RANBP17: variants seen among roughly 807,000 people sequenced by gnomAD.
RANBP17 encodes ran-binding protein 17.
RANBP17 carries 158 observed loss-of-function variants against 141.2 expected under a neutral mutation model. The ratio of observed to expected loss-of-function variants is 1.12; its 90% CI spans 0.98 to 1.28. The LOEUF is 1.28. RANBP17 is among the 50% of genes most tolerant of loss of function. RANBP17 has a pLI of 0.00. For synonymous variants in RANBP17, 430 were observed against 450.0 expected, an observed-to-expected ratio of 0.96 and a Z score of 0.56; for missense variants, 1,438 against 1,290.7, an observed-to-expected ratio of 1.11 and a Z score of -1.75.
chr5:171,183,122 C>T (rs1453940849), intron 16 of RANBP17, 45 bp from the exon 17 acceptor site: 3 of 1,012,982 alleles, frequency 3.0e-6, no homozygotes, highest in Non-Finnish European at 4.7e-6. Flanking sequence ...TTATTACATA[C>T]TGATATTACA....
intron 14 of RANBP17, among the ~76,000 whole-genome samples, chr5:171,059,657 G>A (rs1416213204): frequency 2.9e-4 from 44 of 151,200 alleles, no homozygotes; most frequent in African/African-American, 1.0e-3. Flanking sequence ...GCTCTTTTTT[G>A]GTTCCATATG....
intron 14 of RANBP17, among the ~76,000 whole-genome samples, chr5:171,068,387 A>G (rs942155347): frequency 3.3e-5 from 5 of 152,062 alleles, no homozygotes; most frequent in African/African-American, 4.8e-5. Flanking sequence ...AGTAAATCCA[A>G]TGTATGGGCT....
chr5:171,220,607 C>G (rs947070640), intron 21 of RANBP17, among the ~76,000 whole-genome samples: 2 of 152,010 alleles, frequency 1.3e-5, no homozygotes, highest in African/African-American at 4.8e-5. Flanking sequence ...GCCACCACAC[C>G]TGGCTAATTT....
At chr5:170,927,674 A>G (rs755143296) in intron 12 of RANBP17, among the ~76,000 whole-genome samples, 2 of 151,390 alleles carry the variant, frequency 1.3e-5, no homozygotes, top group African/African-American at 4.9e-5. Flanking sequence ...TTCTTTGCAT[A>G]TGTTTTAGAG....
At chr5:171,229,511 C>T (rs1421732370) in intron 22 of RANBP17, among the ~76,000 whole-genome samples, 1 of 151,994 alleles carries the variant, frequency 6.6e-6, no homozygotes, top group African/African-American at 2.4e-5. Flanking sequence ...TCTCCTGCCT[C>T]AGCCTCCCGA....
chr5:171,090,290 G>T (rs2127726816), intron 14 of RANBP17, among the ~76,000 whole-genome samples: 1 of 152,304 alleles, frequency 6.6e-6, no homozygotes, highest in South Asian at 2.1e-4. Context: ...CTCTTGTTAT[G>T]TTTTAGCAAA....
intron 18 of RANBP17, among the ~76,000 whole-genome samples, chr5:171,190,189 A>G (rs1329519618): frequency 1.3e-5 from 2 of 152,220 alleles, no homozygotes; most frequent in Non-Finnish European, 1.5e-5. Context: ...AAAGGGGGAA[A>G]GAAATTGGGT....
chr5:170,999,226 A>C (rs892144501), intron 14 of RANBP17, among the ~76,000 whole-genome samples: 2 of 152,242 alleles, frequency 1.3e-5, no homozygotes, highest in African/African-American at 4.8e-5. Flanking sequence ...ATATTTCTAT[A>C]ATTGTAAATA....
chr5:171,160,897 A>T (rs1182154906), intron 14 of RANBP17, among the ~76,000 whole-genome samples: 1 of 151,960 alleles, frequency 6.6e-6, no homozygotes, highest in Non-Finnish European at 1.5e-5. Context: ...GGTTCAAGTG[A>T]TTCTCCTGCC....
In RANBP17 at chr5:170,899,864, G is replaced by C. The variant is rs180689300; in HGVS notation, c.489+3749G>C. 1.8e-3 allele frequency among the ~76,000 whole-genome samples: 281 copies of C among 152,326 alleles called. 1 individual carries two copies. The highest frequency in any genetic ancestry group is 3.4e-3 in the Non-Finnish European group (229 of 68,022). On this transcript the variant is annotated intron_variant, in intron 5 of 27. Coordinates refer to ENST00000523189, the MANE Select transcript of RANBP17 (RefSeq NM_022897.5). ...ACCAGGTTTGCATCCCAGAGATAAA[G>C]CCGACTTGATCATGGTAGATAAGCT...
At position 170,900,251 on chromosome 5, in the gene RANBP17, G is replaced by T. The variant is rs535595725; in HGVS notation, c.489+4136G>T. On this transcript the variant is annotated intron_variant, in intron 5 of 27. Coordinates refer to ENST00000523189, the MANE Select transcript of RANBP17 (RefSeq NM_022897.5). The stretch of plus-strand genomic sequence containing the variant: ...TTGGGTTTAGTCTTGGGAGGTATGT[G>T]TGTCCAGGAATTTATCCATTTCTTC... Among the ~76,000 whole-genome samples, 77 of 152,218 alleles carry T rather than the reference G, an allele frequency of 5.1e-4. 1 individual carries two copies. Among genetic ancestry groups the T allele is most frequent in the Admixed American group, 1.9e-3 (29 of 15,272 alleles).
chr5:171,089,210 A>T (rs1785977857), intron 14 of RANBP17, among the ~76,000 whole-genome samples: 1 of 131,720 alleles, frequency 7.6e-6, no homozygotes, highest in African/African-American at 2.6e-5. Context: ...CTGTTGGAAT[A>T]CCCTGCAGTG....
chr5:171,072,982 T>C (rs1784714844), intron 14 of RANBP17, among the ~76,000 whole-genome samples: 1 of 152,122 alleles, frequency 6.6e-6, no homozygotes, highest in Admixed American at 6.5e-5. Context: ...TATAGTATTA[T>C]TCCATTTACA....
chr5:170,935,114 A>C (rs1465985514), intron 12 of RANBP17, among the ~76,000 whole-genome samples: 1 of 152,172 alleles, frequency 6.6e-6, no homozygotes, highest in African/African-American at 2.4e-5. Context: ...AAGCTTGTGC[A>C]TGCATCACGT....
At chr5:171,106,808 A>T (rs1754873534) in intron 14 of RANBP17, among the ~76,000 whole-genome samples, 2 of 152,180 alleles carry the variant, frequency 1.3e-5, no homozygotes, top group Admixed American at 6.5e-5. Flanking sequence ...GGGTGGGGAA[A>T]TAGATGATGT....
At chr5:171,128,917 C>G (rs1161125093) in intron 14 of RANBP17, among the ~76,000 whole-genome samples, 1 of 152,136 alleles carries the variant, frequency 6.6e-6, no homozygotes, top group African/African-American at 2.4e-5. Flanking sequence ...CCTATTTATT[C>G]TTTCAATAGA....
rs1297666531 is a variant in RANBP17 at position 170,909,690 on chromosome 5, C to T, written c.519C>T (p.His173=). Reference sequence around the variant, plus strand: ...ATTATTCTAGACCTTCAGCAAAACACAGGAAAATAGCTACCTCATTTCGTG... The same window carrying T: ...ATTATTCTAGACCTTCAGCAAAACATAGGAAAATAGCTACCTCATTTCGTG... ...LVDYSRPSAK[H]RKIATSFRDT... Residue 173 remains histidine (H), a synonymous_variant, in exon 6 of 28, where the codon CAC becomes CAT. Transcript: ENST00000523189. 1.3e-6 allele frequency: 2 copies of T among 1,581,522 alleles called. No individual in the cohort carries two copies. The highest frequency in any genetic ancestry group is 1.7e-6 in the Non-Finnish European group (2 of 1,158,832).
rs575537106 is a variant in RANBP17, at chr5:170,926,681, A to G, written c.1468+2131A>G. 2.7e-5 allele frequency among the ~76,000 whole-genome samples: 4 copies of G among 145,864 alleles called. No individual in the cohort carries two copies. In the South Asian group the frequency reaches 9.8e-4, roughly 36 times the overall value. ...TTCACAAAAATTTTTTTGAAGAGGT[A>G]ATGTATTTCATTGTGCAAAAATTAA... On this transcript the variant is annotated intron_variant, in intron 12 of 27. Coordinates refer to ENST00000523189, the MANE Select transcript of RANBP17 (RefSeq NM_022897.5).
At chr5:171,250,853 T>C (rs761663128) in intron 24 of RANBP17, among the ~76,000 whole-genome samples, 7 of 152,146 alleles carry the variant, frequency 4.6e-5, no homozygotes, top group Non-Finnish European at 1.0e-4. Flanking sequence ...ATGACTAAAT[T>C]TGAAGAGACA....
Sources: allele counts gnomAD v4.1 joint callset (sites outside exome capture counted in the v4.1 genomes callset), GRCh38; gene constraint gnomAD v4.1.1; transcripts MANE v1.5; gene names NCBI Gene and HGNC (gene_info 2026-07-23, HGNC 2026-07-21).